CACNG3: variants seen among roughly 807,000 people sequenced by gnomAD.
The protein encoded by CACNG3 is voltage-dependent calcium channel gamma-3 subunit.
Under a neutral mutation model 28.5 loss-of-function variants are expected in CACNG3, and 3 were observed. The observed-to-expected ratio is 0.11, with a 90% confidence interval of 0.05 to 0.27. The LOEUF (loss-of-function observed/expected upper bound fraction) is 0.27, where lower values mean the gene tolerates loss of function less well. Ranked by LOEUF, CACNG3 falls within the 10% of genes least tolerant of loss-of-function variation. The probability of loss-of-function intolerance (pLI) is 1.00; values close to 1 mark genes in which losing one functional copy is unlikely to be tolerated. For missense variants in CACNG3, 236 were observed against 414.4 expected, an observed-to-expected ratio of 0.57 and a Z score of 3.74; for synonymous variants, 174 against 162.2, an observed-to-expected ratio of 1.07 and a Z score of -0.55.
intron 1 of CACNG3, among the ~76,000 whole-genome samples, chr16:24,270,045 A>G (rs553816341): frequency 1.3e-5 from 2 of 152,296 alleles, no homozygotes; most frequent in Admixed American, 6.5e-5. Context: ...AAGAGTCTAT[A>G]TATACATTTG....
intron 1 of CACNG3, among the ~76,000 whole-genome samples, chr16:24,331,134 T>C (rs1417713549): frequency 6.6e-6 from 1 of 152,152 alleles, no homozygotes; most frequent in African/African-American, 2.4e-5. Context: ...ACTGTGTTGG[T>C]GAACATGCCC....
intron 1 of CACNG3, among the ~76,000 whole-genome samples, chr16:24,304,119 A>G (rs1229016047): frequency 6.6e-6 from 1 of 152,198 alleles, no homozygotes; most frequent in Non-Finnish European, 1.5e-5. Context: ...GACTGGATTA[A>G]TAGCAAACTA....
At chr16:24,348,079 C>T (rs1166457710) in intron 2 of CACNG3, among the ~76,000 whole-genome samples, 1 of 152,088 alleles carries the variant, frequency 6.6e-6, no homozygotes, top group Non-Finnish European at 1.5e-5. Context: ...GTAATTTCTT[C>T]AGCAAGAATT....
intron 1 of CACNG3, among the ~76,000 whole-genome samples, chr16:24,316,793 C>G (rs1297385497): frequency 6.6e-6 from 1 of 152,230 alleles, no homozygotes; most frequent in Non-Finnish European, 1.5e-5. Flanking sequence ...GTTCCTGACA[C>G]AGTGGCCCCA....
At chr16:24,335,190 C>G (rs893723238) in intron 1 of CACNG3, among the ~76,000 whole-genome samples, 1 of 152,264 alleles carries the variant, frequency 6.6e-6, no homozygotes, top group East Asian at 1.9e-4. Context: ...GAGGCTGAGG[C>G]AGGCAGATCA....
At chr16:24,282,565 G>A (rs538162647) in intron 1 of CACNG3, among the ~76,000 whole-genome samples, 5 of 152,188 alleles carry the variant, frequency 3.3e-5, no homozygotes, top group African/African-American at 9.6e-5. Context: ...ATGAGCCACC[G>A]TGCCCAGCCT....
At chr16:24,329,102 G>T (rs928735172) in intron 1 of CACNG3, among the ~76,000 whole-genome samples, 5 of 152,172 alleles carry the variant, frequency 3.3e-5, no homozygotes, top group Admixed American at 2.6e-4. Context: ...TCGAGCAGGG[G>T]TGGGGGAACC....
chr16:24,354,745 CT>C, intron 2 of CACNG3, 87 bp from the exon 3 acceptor site: 1 of 1,352,040 alleles, frequency 7.4e-7, no homozygotes. Context: ...CCTGTGCTGC[CT>C]TCCTCTCAGG....
chr16:24,337,965 G>C (rs1381326758), intron 1 of CACNG3, among the ~76,000 whole-genome samples: 1 of 151,798 alleles, frequency 6.6e-6, no homozygotes, highest in African/African-American at 2.4e-5. Flanking sequence ...GATGGACCCA[G>C]TGATCCCTGT....
chr16:24,299,013 G>A (rs1461187115), intron 1 of CACNG3, among the ~76,000 whole-genome samples: 8 of 152,128 alleles, frequency 5.3e-5, no homozygotes, highest in African/African-American at 1.2e-4. Context: ...GTCTGAAGTC[G>A]TGTTTGCCAG....
intron 1 of CACNG3, among the ~76,000 whole-genome samples, chr16:24,304,558 GCACA>G (rs1899158905): frequency 6.6e-6 from 1 of 152,040 alleles, no homozygotes; most frequent in African/African-American, 2.4e-5. Flanking sequence ...ACCTCCAACA[GCACA>G]GACTGGGGTA....
At chr16:24,356,087 T>G (rs1354714018) in intron 3 of CACNG3, among the ~76,000 whole-genome samples, 1 of 152,184 alleles carries the variant, frequency 6.6e-6, no homozygotes, top group Admixed American at 6.6e-5. Context: ...TCATCCTTGC[T>G]TTCACCCCTT....
At chr16:24,279,623 G>C (rs1898797812) in intron 1 of CACNG3, among the ~76,000 whole-genome samples, 1 of 152,106 alleles carries the variant, frequency 6.6e-6, no homozygotes, top group Non-Finnish European at 1.5e-5. Flanking sequence ...TTTGCAGACT[G>C]GTTAAGAGAC....
At position 24,312,982 on chromosome 16, in the gene CACNG3, T is replaced by G. The variant is rs369265666; in HGVS notation, c.212-33752T>G. Among the ~76,000 whole-genome samples the G allele has an allele frequency of 7.4e-3, 474 of 64,286 alleles. 5 individuals carry two copies. The highest frequency in any genetic ancestry group is 0.011 in the Admixed American group (75 of 6,570). The allele number at this position is 64,286 out of a possible 152,430, so 42.2% of individuals were successfully genotyped here. On this transcript the variant is annotated intron_variant, in intron 1 of 3. Transcript: ENST00000005284. ...GAAAGAAAGAAAAGAAAGAAAGAAATAAAAGAAAGAAAGAAAGAAAGAAAA... is the reference window on the plus strand; with the variant it reads ...GAAAGAAAGAAAAGAAAGAAAGAAAGAAAAGAAAGAAAGAAAGAAAGAAAA...
chr16:24,345,953 CAACTGCACA>C (rs1264741796), intron 1 of CACNG3, among the ~76,000 whole-genome samples: 1 of 152,078 alleles, frequency 6.6e-6, no homozygotes, highest in Non-Finnish European at 1.5e-5. Flanking sequence ...AGTAATTGCA[CAACTGCACA>C]ATTACTTTTA....
At chr16:24,327,448 A>G (rs62030062) in intron 1 of CACNG3, among the ~76,000 whole-genome samples, 3,488 of 79,994 alleles carry the variant, frequency 0.044, 78 homozygotes, top group Middle Eastern at 0.061. Context: ...GTATATATAT[A>G]TATATATACA....
At chr16:24,293,157 G>A (rs1898987327) in intron 1 of CACNG3, among the ~76,000 whole-genome samples, 1 of 152,230 alleles carries the variant, frequency 6.6e-6, no homozygotes, top group South Asian at 2.1e-4. Context: ...AGGTTCTAGA[G>A]CTGTTAAGAA....
chr16:24,319,964 T>C (rs565322380), intron 1 of CACNG3, among the ~76,000 whole-genome samples: 18 of 152,230 alleles, frequency 1.2e-4, no homozygotes, highest in Admixed American at 5.9e-4. Context: ...AGAGATGGGG[T>C]TTCACCATGT....
intron 1 of CACNG3, among the ~76,000 whole-genome samples, chr16:24,341,750 C>T (rs7184217): frequency 0.47 from 71,820 of 151,902 alleles, 17,660 homozygotes; most frequent in Admixed American, 0.57. Flanking sequence ...CATTTTGGTT[C>T]GGGGGTTGCA....
Sources: allele counts gnomAD v4.1 joint callset (sites outside exome capture counted in the v4.1 genomes callset), GRCh38; gene constraint gnomAD v4.1.1; transcripts MANE v1.5; gene names NCBI Gene and HGNC (gene_info 2026-07-23, HGNC 2026-07-21).